R3HDM1: variants seen among roughly 807,000 people sequenced by gnomAD.
R3HDM1 encodes the protein R3H domain containing 1, also known as R3H domain-containing protein 1.
A neutral mutation model predicts 141.1 loss-of-function variants in R3HDM1; 46 were observed. The ratio of observed to expected loss-of-function variants is 0.33; its 90% CI spans 0.26 to 0.42. The LOEUF is 0.42. R3HDM1 is among the 10% of genes least tolerant of loss of function. The pLI is 1.00. For synonymous variants in R3HDM1, 435 were observed against 472.9 expected, an observed-to-expected ratio of 0.92 and a Z score of 1.04; for missense variants, 1,184 against 1,368.3, an observed-to-expected ratio of 0.87 and a Z score of 2.12.
chr2:135,645,475 C>T lies in R3HDM1; in HGVS notation c.1571C>T (p.Pro524Leu). ...TCCCAAGTGCCTGGACCTCCACAGC[C>T]ACCTCTGCCAGCCCCACCTCAACAA... ...VRSQVPGPPQ[P>L]PLPAPPQQPA... Residue 524 changes from proline to leucine, a missense_variant, in exon 16 of 27, where the codon CCA becomes CTA. By Grantham distance (98) the Pro-to-Leu change is moderately conservative. Around this residue, in one of 5 missense-constraint regions of R3HDM1, gnomAD observed 563 missense variants for 562.0 expected, o/e 1.00. Transcript: ENST00000683871. The T allele has an allele frequency of 6.2e-7, 1 of 1,614,096 alleles. No individual in the cohort carries two copies. Among genetic ancestry groups the T allele is most frequent in the East Asian group, 2.2e-5 (1 of 44,882 alleles).
chr2:135,682,186 A>AT (rs1353429715), intron 21 of R3HDM1, among the ~76,000 whole-genome samples: 1 of 151,494 alleles, frequency 6.6e-6, no homozygotes, highest in East Asian at 1.9e-4. Flanking sequence ...CCAAAGTTTA[A>AT]TTTTTTATTT....
chr2:135,576,528 C>T (rs972960825), intron 1 of R3HDM1, among the ~76,000 whole-genome samples: 2 of 152,006 alleles, frequency 1.3e-5, no homozygotes, highest in Non-Finnish European at 2.9e-5. Context: ...CATCTTGTAC[C>T]ATGTATAAGA....
chr2:135,724,097 G>T lies in R3HDM1; in HGVS notation c.3210G>T (p.Gly1070=). ...GTCACCCCCTCTGCTGTGGCAGTGG[G>T]GACAACACTGCCAACCCTGAACGCT... ...PRRHPLCCGS[G]DNTANPERSK... is the part of the protein sequence containing the mutation. Residue 1070 remains glycine (G), a synonymous_variant, in exon 27 of 27, where the codon GGG becomes GGT. Coordinates refer to ENST00000683871, the MANE Select transcript of R3HDM1 (RefSeq NM_001378107.1). 6.2e-7 allele frequency: 1 copy of T among 1,614,084 alleles called. No homozygotes were observed. The highest frequency in any genetic ancestry group is 1.6e-4 in the Middle Eastern group (1 of 6,062).
At chr2:135,597,823 A>G (rs964773490) in intron 1 of R3HDM1, among the ~76,000 whole-genome samples, 1 of 152,180 alleles carries the variant, frequency 6.6e-6, no homozygotes, top group African/African-American at 2.4e-5. Context: ...ATATAAATTA[A>G]CTTAAATGAT....
chr2:135,670,454 T>G lies in R3HDM1; in HGVS notation c.2153-4878T>G, dbSNP rs1022811978. On this transcript the variant is annotated intron_variant, in intron 19 of 26. Transcript: ENST00000683871. ...TAAATATGTTTTGAAGAAAATTACT[T>G]AAATACTTTCTTCCCATACATTGTA... 3.3e-6 allele frequency: 3 copies of G among 911,258 alleles called. No individual in the cohort carries two copies. In the African/African-American group the frequency reaches 5.4e-5, roughly 16 times the overall value. The allele number at this position is 911,258 out of a possible 1,614,324, so 56.4% of individuals were successfully genotyped here.
chr2:135,571,571 C>A (rs1468903844), intron 1 of R3HDM1, among the ~76,000 whole-genome samples: 3 of 152,032 alleles, frequency 2.0e-5, no homozygotes, highest in African/African-American at 7.2e-5. Context: ...GGCAGTTCGC[C>A]CGCCTCAGCC....
chr2:135,667,720 A>G, intron 19 of R3HDM1: 2 of 981,594 alleles, frequency 2.0e-6, no homozygotes, highest in Non-Finnish European at 2.4e-6. Context: ...CTAGAAATCT[A>G]CTTCTCCTTC....
chr2:135,565,235 T>G (rs1702495690), intron 1 of R3HDM1, among the ~76,000 whole-genome samples: 1 of 151,896 alleles, frequency 6.6e-6, no homozygotes, highest in African/African-American at 2.4e-5. Context: ...GTTTGGACCA[T>G]TTTTCACAAC....
intron 21 of R3HDM1, 136 bp downstream of exon 21, chr2:135,680,460 A>AC: frequency 1.0e-6 from 1 of 987,112 alleles, no homozygotes; most frequent in South Asian, 1.8e-5. Context: ...AAACTATAAT[A>AC]CAGTATACTT....
At position 135,531,595 on chromosome 2, in the gene R3HDM1, C is replaced by G; in HGVS notation, c.-288C>G. On this transcript the variant is annotated 5_prime_UTR_variant, in exon 1 of 27. Transcript: ENST00000683871. Reference sequence around the variant, plus strand: ...ACCCAGCCCCGCCGTCGCCCCGCCGCGCCGCGCTCCAACCGCCTCCTCCTC... The same window carrying G: ...ACCCAGCCCCGCCGTCGCCCCGCCGGGCCGCGCTCCAACCGCCTCCTCCTC... The G allele has an allele frequency of 1.0e-6, 1 of 986,892 alleles. No individual in the cohort carries two copies. The highest frequency in any genetic ancestry group is 1.2e-6 in the Non-Finnish European group (1 of 830,744). The allele number at this position is 986,892 out of a possible 1,614,324, so 61.1% of individuals were successfully genotyped here.
At chr2:135,606,683 G>C (rs2060088544) in intron 3 of R3HDM1, 1 of 146,262 alleles carries the variant, frequency 6.8e-6, no homozygotes, top group Admixed American at 7.0e-5. Context: ...TCGAACCCGG[G>C]AGGCAGAGGT....
chr2:135,711,813 G>A (rs1486686758), intron 23 of R3HDM1, among the ~76,000 whole-genome samples: 1 of 151,962 alleles, frequency 6.6e-6, no homozygotes, highest in Admixed American at 6.6e-5. Context: ...ACAAAACTTA[G>A]CTGGACGTGG....
chr2:135,597,688 G>T (rs1436905573), intron 1 of R3HDM1, among the ~76,000 whole-genome samples: 1 of 152,118 alleles, frequency 6.6e-6, no homozygotes, highest in Non-Finnish European at 1.5e-5. Context: ...TGATAAGGAA[G>T]CAACAACCCT....
At chr2:135,548,262 C>T (rs1356665666) in intron 1 of R3HDM1, among the ~76,000 whole-genome samples, 2 of 152,084 alleles carry the variant, frequency 1.3e-5, no homozygotes, top group African/African-American at 2.4e-5. Flanking sequence ...ATAAATTACT[C>T]AATTTTACAG....
At chr2:135,691,459 CA>C in intron 21 of R3HDM1, among the ~76,000 whole-genome samples, 1 of 151,538 alleles carries the variant, frequency 6.6e-6, no homozygotes, top group South Asian at 2.1e-4. Context: ...GCAAAAAATA[CA>C]AAAATTAGCT....
chr2:135,663,889 C>A (rs1438347630), intron 19 of R3HDM1, among the ~76,000 whole-genome samples: 1 of 151,990 alleles, frequency 6.6e-6, no homozygotes, highest in Admixed American at 6.6e-5. Context: ...AAAAAATTAG[C>A]CGGGCATGGT....
chr2:135,611,072 C>T (rs549504161), intron 3 of R3HDM1, among the ~76,000 whole-genome samples: 1 of 149,312 alleles, frequency 6.7e-6, no homozygotes, highest in African/African-American at 2.5e-5. Flanking sequence ...CCAGTGCACT[C>T]CAGCCTGGGC....
intron 1 of R3HDM1, among the ~76,000 whole-genome samples, chr2:135,570,594 A>C (rs2104993135): frequency 6.6e-6 from 1 of 152,372 alleles, no homozygotes; most frequent in East Asian, 1.9e-4. Flanking sequence ...CCCACACCTA[A>C]TGCTAGAATC....
chr2:135,722,621 A>G (rs1030998421), intron 26 of R3HDM1, 68 bp downstream of exon 26: 24 of 1,443,466 alleles, frequency 1.7e-5, no homozygotes, highest in Non-Finnish European at 2.2e-5. Context: ...ACACCACAGC[A>G]CAGAAATGGG....
Sources: gnomAD v4.1 joint callset for allele counts (sites outside exome capture counted in the v4.1 genomes callset) on GRCh38, gnomAD v4.1.1 for gene constraint, gnomAD v4.1.1 regional missense constraint, MANE v1.5 for transcripts, NCBI Gene and HGNC (gene_info 2026-07-23, HGNC 2026-07-21) for gene names.